KLRG1: variants seen among roughly 807,000 people sequenced by gnomAD.
KLRG1 encodes the protein killer cell lectin-like receptor subfamily G member 1.
In KLRG1, 16 loss-of-function variants were observed where a neutral mutation model predicts 21.8. That is an observed-to-expected ratio of 0.73 (90% CI 0.50 to 1.11). The LOEUF (loss-of-function observed/expected upper bound fraction) is 1.11. Ranked by LOEUF, KLRG1 falls within the 50% of genes most tolerant of loss-of-function variation. KLRG1 has a pLI of 0.00. For synonymous variants in KLRG1, 69 were observed against 75.9 expected, an observed-to-expected ratio of 0.91 and a Z score of 0.47; for missense variants, 173 against 218.3, an observed-to-expected ratio of 0.79 and a Z score of 1.31.
intron 1 of KLRG1, among the ~76,000 whole-genome samples, chr12:8,964,151 C>T (rs1946425684): frequency 1.3e-5 from 2 of 152,222 alleles, no homozygotes; most frequent in South Asian, 4.1e-4. Context: ...TAGATCTTTC[C>T]TGCTTTCTCT....
the KLRG1 span, chr12:9,036,947 G>A: frequency 2.2e-5 from 6 of 266,772 alleles, no homozygotes; most frequent in South Asian, 2.5e-4. Context: ...GCAGAATTTG[G>A]AGGCTCAGTT....
chr12:9,157,712 C>T, the KLRG1 span: 5 of 1,521,376 alleles, frequency 3.3e-6, no homozygotes, highest in Middle Eastern at 3.4e-4. Flanking sequence ...GGTGGCATTC[C>T]AGACAGCAAA....
chr12:9,136,066 G>A, the KLRG1 span, among the ~76,000 whole-genome samples: 2 of 152,260 alleles, frequency 1.3e-5, no homozygotes, highest in African/African-American at 4.8e-5. Context: ...ATTTCTAAAT[G>A]TACATAAAGA....
the KLRG1 span, chr12:9,192,454 A>C: frequency 1.4e-4 from 214 of 1,497,320 alleles, no homozygotes; most frequent in Non-Finnish European, 1.9e-4. Context: ...TCCTGAGCCT[A>C]TTGACCACTT....
At chr12:9,214,325 T>C in the KLRG1 span, among the ~76,000 whole-genome samples, 3 of 152,022 alleles carry the variant, frequency 2.0e-5, no homozygotes, top group East Asian at 5.8e-4. Flanking sequence ...TGAATCTTTA[T>C]AATATCCAAA....
chr12:9,016,159 AGAG>A, the KLRG1 span, among the ~76,000 whole-genome samples: 3 of 152,166 alleles, frequency 2.0e-5, no homozygotes, highest in African/African-American at 4.8e-5. Flanking sequence ...AATAAAGATC[AGAG>A]GAGAAGTAAA....
chr12:9,001,487 T>A (rs1296567331), intron 3 of KLRG1, among the ~76,000 whole-genome samples: 1 of 152,148 alleles, frequency 6.6e-6, no homozygotes, highest in Non-Finnish European at 1.5e-5. Flanking sequence ...CAGTCACTGA[T>A]AAAGGTATCT....
At chr12:8,997,740 A>G (rs997829490) in intron 3 of KLRG1, among the ~76,000 whole-genome samples, 5 of 152,070 alleles carry the variant, frequency 3.3e-5, no homozygotes, top group African/African-American at 1.2e-4. Flanking sequence ...AGAGGCTACC[A>G]TGGATTGAGC....
At chr12:9,200,419 C>T in the KLRG1 span, 14 of 1,611,282 alleles carry the variant, frequency 8.7e-6, no homozygotes, top group South Asian at 3.3e-5. Context: ...ATCTTTGGCA[C>T]CTGAACTTTG....
chr12:9,068,085 T>C, the KLRG1 span: 1 of 1,394,102 alleles, frequency 7.2e-7, no homozygotes, highest in Non-Finnish European at 1.0e-6. Flanking sequence ...AATTTGATGT[T>C]TTTGACAAAT....
At chr12:9,154,711 G>C in the KLRG1 span, 1 of 1,614,124 alleles carries the variant, frequency 6.2e-7, no homozygotes, top group Admixed American at 1.7e-5. Context: ...GTGGGGGCTG[G>C]CTGGGCCGTG....
At chr12:9,161,077 G>A in the KLRG1 span, 2 of 1,604,090 alleles carry the variant, frequency 1.2e-6, no homozygotes, top group South Asian at 1.1e-5. Flanking sequence ...GACCACATTT[G>A]ATGGGAGCTT....
intron 1 of KLRG1, among the ~76,000 whole-genome samples, chr12:8,956,004 G>A (rs1394291958): frequency 6.6e-6 from 1 of 152,092 alleles, no homozygotes; most frequent in African/African-American, 2.4e-5. Flanking sequence ...AAAAACTCCC[G>A]GACTCAGCTA....
At chr12:9,102,966 T>C in the KLRG1 span, among the ~76,000 whole-genome samples, 5 of 152,188 alleles carry the variant, frequency 3.3e-5, no homozygotes, top group Non-Finnish European at 7.4e-5. Context: ...GATTATGTAA[T>C]ATATATTAAA....
chr12:9,126,586 T>G, the KLRG1 span, among the ~76,000 whole-genome samples: 1 of 152,212 alleles, frequency 6.6e-6, no homozygotes. Context: ...GGTCTTTCAG[T>G]GGGCTGCTAT....
chr12:9,169,555 A>T, the KLRG1 span: 1 of 1,612,896 alleles, frequency 6.2e-7, no homozygotes, highest in Admixed American at 1.7e-5. Context: ...TTGTCAGGAA[A>T]ATTGGTGAGA....
rs535219152 is a variant in KLRG1 at position 8,991,668 on chromosome 12, C to A, written c.83-538C>A. Among the ~76,000 whole-genome samples, 9 of 150,674 alleles carry A rather than the reference C, an allele frequency of 6.0e-5. No individual in the cohort carries two copies. The South Asian group carries it at 1.3e-3, about 21-fold the overall frequency. On this transcript the variant is annotated intron_variant, in intron 1 of 4. Coordinates refer to ENST00000356986, the MANE Select transcript of KLRG1 (RefSeq NM_005810.4). Reference sequence around the variant, plus strand: ...TATTCCATATCAGTTAAAAAAAAAGCCAGTTTTTATTAGAAGCTATATATT... The same window carrying A: ...TATTCCATATCAGTTAAAAAAAAAGACAGTTTTTATTAGAAGCTATATATT...
the KLRG1 span, among the ~76,000 whole-genome samples, chr12:9,156,609 G>T: frequency 4.6e-5 from 7 of 152,148 alleles, no homozygotes; most frequent in Non-Finnish European, 1.0e-4. Flanking sequence ...GAATCTATTT[G>T]TCTATTATAT....
At chr12:9,093,383 TA>T in the KLRG1 span, 1 of 917,526 alleles carries the variant, frequency 1.1e-6, no homozygotes, top group Non-Finnish European at 1.8e-6. Context: ...TATAAAACAA[TA>T]AAAACAGAAA....
Sources: gnomAD v4.1 joint callset for allele counts (sites outside exome capture counted in the v4.1 genomes callset) on GRCh38, gnomAD v4.1.1 for gene constraint, MANE v1.5 for transcripts, NCBI Gene and HGNC (gene_info 2026-07-23, HGNC 2026-07-21) for gene names.